CACNA1E: variants seen among roughly 807,000 people sequenced by gnomAD.
CACNA1E encodes voltage-dependent R-type calcium channel subunit alpha-1E.
CACNA1E carries 40 observed loss-of-function variants against 259.2 expected under a neutral mutation model. That is an observed-to-expected ratio of 0.15 (90% CI 0.12 to 0.20). CACNA1E has a LOEUF of 0.20. CACNA1E is among the 10% of genes least tolerant of loss of function. The probability of loss-of-function intolerance (pLI) is 1.00; values close to 1 mark genes in which losing one functional copy is unlikely to be tolerated. For synonymous variants in CACNA1E, 1,104 were observed against 1,138.5 expected (o/e 0.97, Z 0.61); for missense variants, 1,874 against 3,040.1 (o/e 0.62, Z 9.02).
intron 43 of CACNA1E, among the ~76,000 whole-genome samples, chr1:181,786,154 C>G (rs545943336): frequency 6.6e-6 from 1 of 152,122 alleles, no homozygotes. Context: ...ATCGCTTCCC[C>G]GTGGATCTAG....
At chr1:181,583,687 T>G (rs948200490) in intron 6 of CACNA1E, among the ~76,000 whole-genome samples, 7 of 152,198 alleles carry the variant, frequency 4.6e-5, no homozygotes, top group African/African-American at 1.7e-4. Context: ...TTGTGGCTTT[T>G]CTCATTATAA....
chr1:181,619,495 G>A (rs1655533396), intron 6 of CACNA1E, among the ~76,000 whole-genome samples: 1 of 152,174 alleles, frequency 6.6e-6, no homozygotes, highest in Non-Finnish European at 1.5e-5. Flanking sequence ...GGTGAGTTAG[G>A]AAGCCTTTGG....
At chr1:181,651,256 C>T in intron 6 of CACNA1E, 82 bp from the exon 7 acceptor site, 1 of 894,032 alleles carries the variant, frequency 1.1e-6, no homozygotes, top group Admixed American at 1.9e-5. Flanking sequence ...TTTTACATCA[C>T]CCTCTGTGCA....
intron 1 of CACNA1E, among the ~76,000 whole-genome samples, chr1:181,399,216 G>GTTTTTTTT (rs563079552): frequency 7.2e-6 from 1 of 138,776 alleles, no homozygotes; most frequent in Non-Finnish European, 1.6e-5. Flanking sequence ...AGTTTAGAGA[G>GTTTTTTTT]TTTTTTTTTT....
chr1:181,423,662 A>ATTTTTTTTTTTTTTTTTTTTTTT (rs11302089), intron 2 of CACNA1E, among the ~76,000 whole-genome samples: 3 of 130,994 alleles, frequency 2.3e-5, no homozygotes, highest in Non-Finnish European at 3.2e-5. Context: ...CATTGGGCCA[A>ATTTTTTTTTTTTTTTTTTTTTTT]TTTTTTTTTT....
At chr1:181,763,615 CT>C in intron 34 of CACNA1E, 84 bp downstream of exon 34, 1 of 1,114,496 alleles carries the variant, frequency 9.0e-7, no homozygotes, top group Non-Finnish European at 1.2e-6. Flanking sequence ...ACCCAAGTCC[CT>C]TCACCTCTGG....
At chr1:181,721,612 G>T in intron 15 of CACNA1E, 146 bp from the exon 16 acceptor site, 1 of 515,574 alleles carries the variant, frequency 1.9e-6, no homozygotes, top group Non-Finnish European at 3.5e-6. Context: ...TTATGGAAAT[G>T]ACTTTTTTTT....
At chr1:181,490,478 T>C (rs1263635496) in intron 1 of CACNA1E, among the ~76,000 whole-genome samples, 1 of 149,790 alleles carries the variant, frequency 6.7e-6, no homozygotes, top group African/African-American at 2.5e-5. Flanking sequence ...CCAGCTAGGC[T>C]CCAGCCACGC....
upstream of CACNA1E, among the ~76,000 whole-genome samples, chr1:181,481,574 C>A (rs1663246627): frequency 6.6e-6 from 1 of 152,242 alleles, no homozygotes; most frequent in Non-Finnish European, 1.5e-5. Flanking sequence ...TGTTTCCTTC[C>A]TCAGCCCCTC....
chr1:181,785,865 C>A, intron 43 of CACNA1E, 46 bp downstream of exon 43: 1 of 1,290,702 alleles, frequency 7.7e-7, no homozygotes, highest in Non-Finnish European at 1.1e-6. Flanking sequence ...TGCAATCTGT[C>A]ACCCATGCTG....
chr1:181,638,839 A>T (rs1403984264), intron 6 of CACNA1E, among the ~76,000 whole-genome samples: 1 of 152,178 alleles, frequency 6.6e-6, no homozygotes, highest in Non-Finnish European at 1.5e-5. Context: ...CTTGTGAAGA[A>T]GGTGCCTTGC....
intron 3 of CACNA1E, among the ~76,000 whole-genome samples, chr1:181,535,721 T>C (rs182388085): frequency 8.5e-4 from 129 of 151,394 alleles, no homozygotes; most frequent in Admixed American, 2.8e-3. Flanking sequence ...AGATTCTCTC[T>C]CTGTTGCCCA....
At chr1:181,505,358 C>A (rs1665618099) in intron 1 of CACNA1E, among the ~76,000 whole-genome samples, 1 of 151,952 alleles carries the variant, frequency 6.6e-6, no homozygotes, top group African/African-American at 2.4e-5. Flanking sequence ...CTTGTTCTCT[C>A]CCTTCTCTTT....
In CACNA1E at chr1:181,798,992, A is replaced by C; in HGVS notation, c.*158A>C. 1 of 606,944 alleles carries C rather than the reference A, an allele frequency of 1.6e-6. No individual in the cohort carries two copies. The highest frequency in any genetic ancestry group is 2.6e-6 in the Non-Finnish European group (1 of 382,606). 37.6% of individuals were successfully genotyped at this position (606,944 alleles called of 1,614,324 possible). A position where few individuals can be genotyped will look rare whatever the true frequency, so the allele number is the denominator to read the frequency against. On this transcript the variant is annotated 3_prime_UTR_variant, in exon 48 of 48. Coordinates refer to ENST00000367573, the MANE Select transcript of CACNA1E (RefSeq NM_001205293.3). The surrounding 1 kb of genome is among the most constrained non-coding windows in gnomAD (Gnocchi z 4.2). ...AGAGGAAGTAAAGGACAATCAGAAC[A>C]CCAGTCAAACCCACCAAATTGCTTT...
chr1:181,575,088 G>C (rs539339057), intron 3 of CACNA1E, among the ~76,000 whole-genome samples: 1 of 152,228 alleles, frequency 6.6e-6, no homozygotes, highest in East Asian at 1.9e-4. Context: ...GGAGCCGGCT[G>C]TCATTCCTGC....
intron 3 of CACNA1E, among the ~76,000 whole-genome samples, chr1:181,517,063 G>T (rs2102653834): frequency 6.6e-6 from 1 of 152,328 alleles, no homozygotes; most frequent in South Asian, 2.1e-4. Context: ...GTGGAATGGG[G>T]CCTAGTGTCT....
intron 6 of CACNA1E, among the ~76,000 whole-genome samples, chr1:181,637,105 C>T (rs1261341784): frequency 6.6e-6 from 1 of 152,250 alleles, no homozygotes; most frequent in African/African-American, 2.4e-5. Context: ...TCAGGTCTCT[C>T]TTTTCTGTCT....
At chr1:181,441,135 C>T (rs941846682) in intron 2 of CACNA1E, among the ~76,000 whole-genome samples, 8 of 151,710 alleles carry the variant, frequency 5.3e-5, no homozygotes, top group Admixed American at 3.9e-4. Context: ...CATCTTTAAT[C>T]GGCTAAGTTA....
intron 25 of CACNA1E, among the ~76,000 whole-genome samples, chr1:181,745,954 C>T (rs1424103468): frequency 6.6e-6 from 1 of 152,174 alleles, no homozygotes; most frequent in Non-Finnish European, 1.5e-5. Context: ...AAGGAGAAAG[C>T]TTGCAAAAGG....
Sources: allele counts gnomAD v4.1 joint callset (sites outside exome capture counted in the v4.1 genomes callset), GRCh38; gene constraint gnomAD v4.1.1; non-coding constraint Gnocchi (gnomAD v3.1); transcripts MANE v1.5; gene names NCBI Gene and HGNC (gene_info 2026-07-23, HGNC 2026-07-21).